COL9A1: variants seen among roughly 807,000 people sequenced by gnomAD.
The protein encoded by COL9A1 is collagen alpha-1(IX) chain.
COL9A1 carries 104 observed loss-of-function variants against 142.6 expected under a neutral mutation model. The ratio of observed to expected loss-of-function variants is 0.73; its 90% CI spans 0.62 to 0.86. COL9A1 has a LOEUF of 0.86. COL9A1 is among the 40% of genes least tolerant of loss of function. The pLI, the probability that COL9A1 is intolerant of heterozygous loss-of-function variation, is 0.00. For synonymous variants in COL9A1, 466 were observed against 396.0 expected, an observed-to-expected ratio of 1.18 and a Z score of -2.10; for missense variants, 1,210 against 1,176.6, an observed-to-expected ratio of 1.03 and a Z score of -0.42.
At chr6:70,220,389 G>GGTGTGTGT (rs58525634) in intron 37 of COL9A1, among the ~76,000 whole-genome samples, 18 of 148,708 alleles carry the variant, frequency 1.2e-4, no homozygotes, top group African/African-American at 4.2e-4. Context: ...GGTGTGGCAG[G>GGTGTGTGT]GTGTGTGTGT....
At chr6:70,240,342 T>C (rs3828778) in intron 32 of COL9A1, among the ~76,000 whole-genome samples, 2,172 of 152,258 alleles carry the variant, frequency 0.014, 79 homozygotes, top group East Asian at 0.13. Flanking sequence ...ATAGACTTTC[T>C]ATAGTCATGT....
intron 36 of COL9A1, among the ~76,000 whole-genome samples, chr6:70,230,471 G>T (rs1769474944): frequency 2.0e-5 from 3 of 152,130 alleles, no homozygotes; most frequent in Non-Finnish European, 4.4e-5. Context: ...ATCACTTCAT[G>T]TTATAGATTA....
chr6:70,294,359 G>T lies in COL9A1; in HGVS notation c.504C>A (p.Ala168=). 1.2e-6 allele frequency: 2 copies of T among 1,614,062 alleles called. No individual in the cohort carries two copies. Among genetic ancestry groups the T allele is most frequent in the Non-Finnish European group, 1.7e-6 (2 of 1,179,964 alleles). Residue 168 remains alanine (A), a synonymous_variant, in exon 5 of 38, where the codon GCC becomes GCA. Coordinates refer to ENST00000357250, the MANE Select transcript of COL9A1 (RefSeq NM_001851.6). ...CAAACAAGGAGGACAAATTCGAAAA[G>T]GCTGCTGTTTGGAGACTTCCATCCA... The part of the protein sequence containing the change: ...KGLDGSLQTA[A]FSNLSSLFDS...
intron 37 of COL9A1, among the ~76,000 whole-genome samples, chr6:70,223,472 G>A (rs4707706): frequency 0.25 from 37,555 of 151,888 alleles, 5,192 homozygotes; most frequent in East Asian, 0.43. Context: ...GTCAAAACGT[G>A]AACCTAGGAT....
At chr6:70,284,497 T>C (rs1195295623) in intron 5 of COL9A1, among the ~76,000 whole-genome samples, 2 of 152,224 alleles carry the variant, frequency 1.3e-5, no homozygotes, top group African/African-American at 4.8e-5. Flanking sequence ...GTTGAAAAGA[T>C]GTAACTTTCT....
At chr6:70,232,915 T>C in intron 35 of COL9A1, 144 bp from the exon 36 acceptor site, 2 of 875,622 alleles carry the variant, frequency 2.3e-6, no homozygotes, top group Non-Finnish European at 3.7e-6. Context: ...TAAAGTTGGA[T>C]AATTTCTCTG....
At chr6:70,267,620 C>T (rs1772114191) in intron 17 of COL9A1, among the ~76,000 whole-genome samples, 1 of 152,188 alleles carries the variant, frequency 6.6e-6, no homozygotes, top group African/African-American at 2.4e-5. Context: ...CCGCGCCCGG[C>T]CTACTGTGTA....
At chr6:70,301,790 C>A (rs1774072872) in intron 2 of COL9A1, among the ~76,000 whole-genome samples, 1 of 152,162 alleles carries the variant, frequency 6.6e-6, no homozygotes, top group African/African-American at 2.4e-5. Flanking sequence ...GCCTTCCTAC[C>A]AACTGTGATT....
chr6:70,294,643 A>G, intron 4 of COL9A1, 80 bp from the exon 5 acceptor site: 1 of 1,336,576 alleles, frequency 7.5e-7, no homozygotes, highest in Non-Finnish European at 1.1e-6. Context: ...TTTTGAGGCC[A>G]TTTTAGATGC....
chr6:70,254,546 T>C lies in COL9A1; in HGVS notation c.1666-17A>G. 6.2e-7 allele frequency: 1 copy of C among 1,613,374 alleles called. No individual in the cohort carries two copies. Among genetic ancestry groups the C allele is most frequent in the Non-Finnish European group, 8.5e-7 (1 of 1,179,344 alleles). Reference sequence around the variant, plus strand: ...TGGTTCACCCTGCAAAAAAAGCTTTTATCACATGATTGAACCTGTATGAGC... The same window carrying C: ...TGGTTCACCCTGCAAAAAAAGCTTTCATCACATGATTGAACCTGTATGAGC... On this transcript the variant is annotated splice_polypyrimidine_tract_variant and intron_variant, in intron 24 of 37. Coordinates refer to ENST00000357250, the MANE Select transcript of COL9A1 (RefSeq NM_001851.6).
At chr6:70,267,327 G>GTTTGTTTTTTT (rs1772083509) in intron 17 of COL9A1, among the ~76,000 whole-genome samples, 1 of 127,032 alleles carries the variant, frequency 7.9e-6, no homozygotes, top group Non-Finnish European at 1.7e-5. Context: ...TGGTTTTTTT[G>GTTTGTTTTTTT]TTTTTTTTTT....
Position 70,294,388 on chromosome 6 carries a change from C to G in COL9A1, c.475G>C (p.Gly159Arg). The change falls in exon 5 of 38, where the codon GGA (glycine) becomes CGA (arginine). Residue 159 changes from glycine to arginine, a missense_variant. By Grantham distance (125) the Gly-to-Arg change is moderately radical. Coordinates refer to ENST00000357250, the MANE Select transcript of COL9A1 (RefSeq NM_001851.6). ...QTQSVVFSYK[G>R]LDGSLQTAAF... is the part of the protein sequence containing the mutation. ...GCTGTTTGGAGACTTCCATCCAGTC[C>G]CTTGTATGAAAATACAACAGATTGT... 1.2e-6 allele frequency: 2 copies of G among 1,614,050 alleles called. No homozygotes were observed. Among genetic ancestry groups the G allele is most frequent in the Non-Finnish European group, 1.7e-6 (2 of 1,179,962 alleles).
At chr6:70,252,049 T>A in intron 28 of COL9A1, 71 bp downstream of exon 28, 1 of 1,469,828 alleles carries the variant, frequency 6.8e-7, no homozygotes, top group Non-Finnish European at 9.5e-7. Flanking sequence ...GATAGATGGA[T>A]GAATGAATGG....
At position 70,216,922 on chromosome 6, in the gene COL9A1, G is replaced by C. The variant is rs745872166; in HGVS notation, c.2741C>G (p.Ala914Gly). The change falls in exon 38 of 38, where the codon GCA becomes GGA. Residue 914 changes from alanine (A) to glycine (G), a missense_variant. Transcript: ENST00000357250. ...ASCTMQAGQR[A>G]FNKGPDP ...TCAAGGGTCAGGCCCTTTGTTAAAT[G>C]CTCGCTGACCAGCCTGCATGGTGCA... 1.2e-6 allele frequency: 2 copies of C among 1,614,088 alleles called. No individual in the cohort carries two copies. Among genetic ancestry groups the C allele is most frequent in the South Asian group, 1.1e-5 (1 of 91,074 alleles).
At chr6:70,225,231 G>A (rs1238472858) in intron 37 of COL9A1, among the ~76,000 whole-genome samples, 1 of 152,144 alleles carries the variant, frequency 6.6e-6, no homozygotes, top group Admixed American at 6.5e-5. Context: ...GCCCTGCTAT[G>A]TTGCCTCTGT....
At chr6:70,246,651 A>G (rs1487478297) in intron 28 of COL9A1, among the ~76,000 whole-genome samples, 2 of 152,160 alleles carry the variant, frequency 1.3e-5, no homozygotes, top group African/African-American at 2.4e-5. Context: ...CAGCTTTCTC[A>G]GACTTTTGTT....
rs73475894 is a variant in COL9A1 at position 70,298,534 on chromosome 6, G to A, written c.299+1509C>T. Among the ~76,000 whole-genome samples, 625 of 152,244 alleles carry A rather than the reference G, an allele frequency of 4.1e-3. 3 individuals are homozygous for A. Among genetic ancestry groups the A allele is most frequent in the African/African-American group, 0.014 (590 of 41,532 alleles). On this transcript the variant is annotated intron_variant, in intron 4 of 37. Transcript: ENST00000357250. ...ATTTTTTAGTCCTTATGGGGGCAGG[G>A]AGTCAAGGGTAGCAAATGTGAGACA... is the stretch of plus-strand genomic sequence containing the variant.
rs547988132 is a variant in COL9A1 at position 70,290,687 on chromosome 6, A to G, written c.696+3480T>C. Among the ~76,000 whole-genome samples, 3 of 152,184 alleles carry G rather than the reference A, an allele frequency of 2.0e-5. No homozygotes were observed. In the East Asian group the frequency reaches 5.8e-4, roughly 29 times the overall value. On this transcript the variant is annotated intron_variant, in intron 5 of 37. Coordinates refer to ENST00000357250, the MANE Select transcript of COL9A1 (RefSeq NM_001851.6). ...GTGGTTTCCAATTGCATTTCTTATT[A>G]TGAAGTTCCTAGGGTTACTTTTTGA...
intron 18 of COL9A1, among the ~76,000 whole-genome samples, chr6:70,263,950 C>T (rs1771860879): frequency 6.6e-6 from 1 of 151,876 alleles, no homozygotes; most frequent in African/African-American, 2.4e-5. Flanking sequence ...GGATGTAAAG[C>T]AAAACGTATA....
Sources: gnomAD v4.1 joint callset for allele counts (sites outside exome capture counted in the v4.1 genomes callset) on GRCh38, gnomAD v4.1.1 for gene constraint, MANE v1.5 for transcripts, NCBI Gene and HGNC (gene_info 2026-07-23, HGNC 2026-07-21) for gene names.